LPAR3: variants seen among roughly 807,000 people sequenced by gnomAD.
The protein encoded by LPAR3 is lysophosphatidic acid receptor 3, also known as LPA receptor 3.
A neutral mutation model predicts 17.8 loss-of-function variants in LPAR3; 7 were observed. That is an observed-to-expected ratio of 0.39 (90% CI 0.22 to 0.74). The LOEUF is 0.74. Ranked by LOEUF, LPAR3 falls within the 30% of genes least tolerant of loss-of-function variation. The pLI, the probability that LPAR3 is intolerant of heterozygous loss-of-function variation, is 0.40. For missense variants in LPAR3, 391 were observed against 453.4 expected (o/e 0.86, Z 1.25); for synonymous variants, 179 against 179.9 (o/e 0.99, Z 0.04).
intron 2 of LPAR3, among the ~76,000 whole-genome samples, chr1:84,859,881 G>A (rs1395640731): frequency 6.6e-6 from 1 of 152,216 alleles, no homozygotes; most frequent in East Asian, 1.9e-4. Flanking sequence ...TTCACATGGT[G>A]TGTTGTTTGA....
chr1:84,890,778 C>T (rs189510235), intron 1 of LPAR3, among the ~76,000 whole-genome samples: 1 of 152,278 alleles, frequency 6.6e-6, no homozygotes, highest in Non-Finnish European at 1.5e-5. Context: ...ATAGTGATTC[C>T]CCTTGCCCCA....
chr1:84,825,590 C>T (rs749799373), intron 2 of LPAR3, among the ~76,000 whole-genome samples: 6 of 152,152 alleles, frequency 3.9e-5, no homozygotes, highest in African/African-American at 7.2e-5. Flanking sequence ...ACTGAACATC[C>T]GCTCCTTCTC....
chr1:84,884,252 G>A (rs1038293789), intron 1 of LPAR3, among the ~76,000 whole-genome samples: 4 of 152,246 alleles, frequency 2.6e-5, no homozygotes, highest in African/African-American at 9.6e-5. Flanking sequence ...CAACCCAAAT[G>A]TGTAAGGGAT....
chr1:84,818,187 C>T (rs1349763531), intron 2 of LPAR3, among the ~76,000 whole-genome samples: 2 of 152,186 alleles, frequency 1.3e-5, no homozygotes, highest in Admixed American at 1.3e-4. Flanking sequence ...ATGATTAAAA[C>T]AGCATCTGAC....
chr1:84,888,306 A>G (rs748254125), intron 1 of LPAR3, among the ~76,000 whole-genome samples: 11 of 152,132 alleles, frequency 7.2e-5, no homozygotes, highest in Non-Finnish European at 1.5e-4. Flanking sequence ...GACCCATGTG[A>G]TAGTTTTTGT....
At chr1:84,823,838 G>A (rs542445203) in intron 2 of LPAR3, among the ~76,000 whole-genome samples, 18 of 152,288 alleles carry the variant, frequency 1.2e-4, no homozygotes, top group African/African-American at 2.9e-4. Context: ...AAAGGTGTGA[G>A]ATCAGCTGTG....
chr1:84,855,700 T>C (rs1302643255), intron 2 of LPAR3, among the ~76,000 whole-genome samples: 2 of 151,966 alleles, frequency 1.3e-5, no homozygotes, highest in Non-Finnish European at 2.9e-5. Flanking sequence ...ATGGAAGAAG[T>C]AAGAGGGCAG....
chr1:84,871,776 C>A (rs1311510678), intron 1 of LPAR3, among the ~76,000 whole-genome samples: 1 of 152,148 alleles, frequency 6.6e-6, no homozygotes, highest in Non-Finnish European at 1.5e-5. Flanking sequence ...GTTTCAAGGC[C>A]TTTGCACTTG....
chr1:84,881,840 G>A (rs1486643931), intron 1 of LPAR3, among the ~76,000 whole-genome samples: 2 of 152,122 alleles, frequency 1.3e-5, no homozygotes, highest in African/African-American at 2.4e-5. Context: ...CAGGTGAGCC[G>A]AGTATTTAAA....
intron 2 of LPAR3, among the ~76,000 whole-genome samples, chr1:84,824,323 C>A (rs1329285575): frequency 6.6e-6 from 1 of 152,106 alleles, no homozygotes; most frequent in African/African-American, 2.4e-5. Context: ...ATGACATGGT[C>A]CTGACACAGG....
chr1:84,847,222 G>GT (rs1434596220), intron 2 of LPAR3, among the ~76,000 whole-genome samples: 7 of 152,114 alleles, frequency 4.6e-5, no homozygotes, highest in Non-Finnish European at 8.8e-5. Flanking sequence ...TCTTCCTTTT[G>GT]TTTTTTCACT....
rs1658826485 is a variant in LPAR3 at position 84,812,196 on chromosome 1, C to T, written c.*1650G>A. 1 of 152,120 alleles carries T rather than the reference C, an allele frequency of 6.6e-6. No individual in the cohort carries two copies. The highest frequency in any genetic ancestry group is 1.5e-5 in the Non-Finnish European group (1 of 68,024). 9.4% of individuals were successfully genotyped at this position (152,120 alleles called of 1,614,324 possible). On this transcript the variant is annotated 3_prime_UTR_variant, in exon 3 of 3. Transcript: ENST00000370611. ...TCATTCTATATGGAAGGGATTCAGC[C>T]TGCTCTTCAATACAGCTTTTACTCT...
In LPAR3 at chr1:84,873,543, A is replaced by G. The variant is rs187852925; in HGVS notation, c.-18-7405T>C. 3.9e-3 allele frequency among the ~76,000 whole-genome samples: 598 copies of G among 152,320 alleles called. 5 individuals carry two copies. Among genetic ancestry groups the G allele is most frequent in the African/African-American group, 0.014 (581 of 41,586 alleles). On this transcript the variant is annotated intron_variant, in intron 1 of 2. Coordinates refer to ENST00000370611, the MANE Select transcript of LPAR3 (RefSeq NM_012152.3). The stretch of plus-strand genomic sequence containing the variant: ...TGTTCAAAATTAAATTTAAACAGAC[A>G]TTGTAACTGAGAATGAGATGCCTCT...
intron 2 of LPAR3, among the ~76,000 whole-genome samples, chr1:84,829,873 G>A (rs1659248834): frequency 6.6e-6 from 1 of 152,110 alleles, no homozygotes; most frequent in Non-Finnish European, 1.5e-5. Flanking sequence ...GAGACAGCAA[G>A]GGAAGGAAAG....
At chr1:84,887,370 T>C (rs937108699) in intron 1 of LPAR3, among the ~76,000 whole-genome samples, 2 of 150,394 alleles carry the variant, frequency 1.3e-5, no homozygotes, top group Admixed American at 1.3e-4. Context: ...AGTGAGACCT[T>C]GTCTTAAAAA....
In LPAR3 at chr1:84,887,513, C is replaced by G. The variant is rs147493248; in HGVS notation, c.-19+5503G>C. Among the ~76,000 whole-genome samples the G allele has an allele frequency of 1.9e-3, 290 of 152,198 alleles. 1 individual carries two copies. Among genetic ancestry groups the G allele is most frequent in the Middle Eastern group, 6.8e-3 (2 of 294 alleles). ...CTATTTGCATAACCCTAGAATAGTT[C>G]CCCACAAACACTAGTACAAAGGTGT... On this transcript the variant is annotated intron_variant, in intron 1 of 2. Transcript: ENST00000370611.
chr1:84,850,190 T>C (rs558088614), intron 2 of LPAR3, among the ~76,000 whole-genome samples: 16 of 152,032 alleles, frequency 1.1e-4, no homozygotes, highest in African/African-American at 2.9e-4. Context: ...CCACAAATTA[T>C]GTAGCAGGCT....
At chr1:84,837,346 G>A (rs1659425278) in intron 2 of LPAR3, among the ~76,000 whole-genome samples, 1 of 152,174 alleles carries the variant, frequency 6.6e-6, no homozygotes, top group South Asian at 2.1e-4. Context: ...AACCACACTT[G>A]ATATAAATAT....
At position 84,813,851 on chromosome 1, in the gene LPAR3, A is replaced by C. The variant is rs371785433; in HGVS notation, c.1057T>G (p.Ser353Ala). Residue 353 changes from serine to alanine, a missense_variant, in exon 3 of 3, where the codon TCC (serine) becomes GCC (alanine). Physicochemically the swap from Ser to Ala is moderately conservative, Grantham distance 99 (BLOSUM62 1). Coordinates refer to ENST00000370611, the MANE Select transcript of LPAR3 (RefSeq NM_012152.3). The stretch of plus-strand genomic sequence containing the variant: ...GGCCGAGAGGCATCCAGAGTTTAGG[A>C]AGTGCTTTTATTGCAGACTGCACCT... ...SQGAVCNKSTS is the reference protein window; with the variant it reads ...SQGAVCNKSTA The C allele has an allele frequency of 6.2e-7, 1 of 1,611,854 alleles. No homozygotes were observed. The highest frequency in any genetic ancestry group is 8.5e-7 in the Non-Finnish European group (1 of 1,178,376).
Sources: allele counts gnomAD v4.1 joint callset (sites outside exome capture counted in the v4.1 genomes callset), GRCh38; gene constraint gnomAD v4.1.1; transcripts MANE v1.5; gene names NCBI Gene and HGNC (gene_info 2026-07-23, HGNC 2026-07-21).